Variants in RAG1 observed in about 807,000 individuals in gnomAD.
The protein encoded by RAG1 is recombination activating 1.
A neutral mutation model predicts 62.7 loss-of-function variants in RAG1; 35 were observed. That is an observed-to-expected ratio of 0.56 (90% CI 0.43 to 0.74). RAG1 has a LOEUF of 0.74. Ranked by LOEUF, RAG1 falls within the 30% of genes least tolerant of loss-of-function variation. The pLI, the probability that RAG1 is intolerant of heterozygous loss-of-function variation, is 0.00. For missense variants in RAG1, 1,169 were observed against 1,278.6 expected (o/e 0.91, Z 1.31); for synonymous variants, 461 against 470.3 (o/e 0.98, Z 0.26).
intron 3 of RAG1, among the ~76,000 whole-genome samples, chr11:36,544,233 T>C (rs1850358190): frequency 6.6e-6 from 1 of 152,064 alleles, no homozygotes; most frequent in Non-Finnish European, 1.5e-5. Context: ...TCCTGCATCA[T>C]CCAGATGGAC....
intron 3 of RAG1, among the ~76,000 whole-genome samples, chr11:36,546,343 T>C (rs1850392210): frequency 5.3e-5 from 8 of 152,240 alleles, no homozygotes. Flanking sequence ...CTCTTCTTTG[T>C]ATTTTTTGAT....
In RAG1 at chr11:36,522,903, T is replaced by C. The variant is rs148287196; in HGVS notation, n.428+2674T>C. ...GATTTGCATGAGCCCTTTAGCTCTT[T>C]TGTTTTGGCCAATTTCTCCCATTTG... On this transcript the variant is annotated intron_variant and non_coding_transcript_variant, in intron 2 of 2. Coordinates refer to the RAG1 transcript ENST00000529126. 6.2e-4 allele frequency among the ~76,000 whole-genome samples: 94 copies of C among 152,350 alleles called. 1 individual carries two copies. The East Asian group carries it at 0.016, about 27-fold the overall frequency.
Position 36,542,611 on chromosome 11 carries a change from C to T in RAG1, c.-412+6577C>T, listed in dbSNP as rs151100975. Among the ~76,000 whole-genome samples, 63 of 152,248 alleles carry T rather than the reference C, an allele frequency of 4.1e-4. 1 individual carries two copies. In the East Asian group the frequency reaches 9.1e-3, roughly 22 times the overall value. On this transcript the variant is annotated intron_variant and NMD_transcript_variant, in intron 3 of 9. Transcript: ENST00000534663. ...CAGAAAAGGTCTCTGACCAGCCACT[C>T]CTTTGCTTGTTCCCAGAAGACAGGG...
intron 3 of RAG1, among the ~76,000 whole-genome samples, chr11:36,551,892 T>C (rs1306943585): frequency 1.4e-5 from 2 of 141,588 alleles, no homozygotes; most frequent in East Asian, 2.1e-4. Context: ...TTACTGAGAA[T>C]GATGGTTTCC....
At chr11:36,516,349 T>A (rs1041147697) in intron 1 of RAG1, among the ~76,000 whole-genome samples, 1 of 152,242 alleles carries the variant, frequency 6.6e-6, no homozygotes, top group Admixed American at 6.5e-5. Flanking sequence ...TGAGACGGAG[T>A]CTCGCTCTGT....
chr11:36,564,835 T>A (rs1850639352), upstream of RAG1, among the ~76,000 whole-genome samples: 1 of 152,192 alleles, frequency 6.6e-6, no homozygotes, highest in Admixed American at 6.5e-5. Flanking sequence ...GACGACCTGT[T>A]AAGGTTCTGC....
intron 1 of RAG1, among the ~76,000 whole-genome samples, chr11:36,517,067 C>G (rs968551671): frequency 6.6e-6 from 1 of 152,120 alleles, no homozygotes; most frequent in Admixed American, 6.5e-5. Flanking sequence ...TGAGGCAGGA[C>G]AGGAGGAAGT....
chr11:36,536,054 G>C (rs1016700402), downstream of RAG1: 1 of 151,922 alleles, frequency 6.6e-6, no homozygotes, highest in African/African-American at 2.4e-5. Flanking sequence ...TCACTTCTTA[G>C]GGAAGCTAAA....
At chr11:36,526,290 G>T (rs1169967850) in intron 2 of RAG1, among the ~76,000 whole-genome samples, 1 of 133,696 alleles carries the variant, frequency 7.5e-6, no homozygotes, top group African/African-American at 2.9e-5. Flanking sequence ...GTGTCCATGT[G>T]TTCTCATTAT....
intron 2 of RAG1, among the ~76,000 whole-genome samples, chr11:36,532,422 A>C (rs1860270433): frequency 6.6e-6 from 1 of 152,140 alleles, no homozygotes; most frequent in Non-Finnish European, 1.5e-5. Context: ...TACTCTTTCC[A>C]TCTAGCAATA....
intron 1 of RAG1, among the ~76,000 whole-genome samples, chr11:36,519,164 T>TG (rs1267470874): frequency 7.2e-5 from 11 of 152,258 alleles, no homozygotes; most frequent in African/African-American, 2.2e-4. Context: ...TACATTTTTT[T>TG]TTGTTGTTTT....
chr11:36,550,940 C>T (rs1850472693), intron 3 of RAG1, among the ~76,000 whole-genome samples: 1 of 152,124 alleles, frequency 6.6e-6, no homozygotes, highest in Non-Finnish European at 1.5e-5. Flanking sequence ...TTTTGATTGG[C>T]TGGCCTTGGT....
At chr11:36,551,494 A>G (rs1490446504) in intron 3 of RAG1, among the ~76,000 whole-genome samples, 2 of 151,432 alleles carry the variant, frequency 1.3e-5, no homozygotes, top group East Asian at 3.9e-4. Flanking sequence ...CTTTGTTTTC[A>G]CATTGTCTTC....
chr11:36,559,272 C>T, intron 3 of RAG1, among the ~76,000 whole-genome samples: 1 of 152,134 alleles, frequency 6.6e-6, no homozygotes, highest in Middle Eastern at 3.2e-3. Flanking sequence ...TGTTTTTACA[C>T]TTCTCTCTTG....
intron 1 of RAG1, among the ~76,000 whole-genome samples, chr11:36,517,395 A>G (rs1241533196): frequency 6.6e-6 from 1 of 152,186 alleles, no homozygotes; most frequent in African/African-American, 2.4e-5. Context: ...CTAAATGCAA[A>G]TGTTTTGGGG....
rs143040301 is a variant in RAG1, at chr11:36,550,896, C to A, written c.-411-12489C>A. On this transcript the variant is annotated intron_variant and NMD_transcript_variant, in intron 3 of 9. Transcript: ENST00000534663. ...GCCTACTTGGGTCATGTGACTAACCCTGGATCCATCACTTTATCTAAGGAA... is the reference window on the plus strand; with the variant it reads ...GCCTACTTGGGTCATGTGACTAACCATGGATCCATCACTTTATCTAAGGAA... Among the ~76,000 whole-genome samples the A allele has an allele frequency of 2.4e-3, 363 of 152,216 alleles. 2 individuals carry two copies. Among genetic ancestry groups the A allele is most frequent in the Non-Finnish European group, 4.0e-3 (273 of 67,990 alleles).
upstream of RAG1, chr11:36,566,359 G>A (rs966445931): frequency 6.6e-6 from 1 of 152,216 alleles, no homozygotes; most frequent in Non-Finnish European, 1.5e-5. Flanking sequence ...TAACTTCCAA[G>A]TGAACCTACA....
At chr11:36,529,048 A>G (rs1035744611) in intron 2 of RAG1, among the ~76,000 whole-genome samples, 2 of 152,190 alleles carry the variant, frequency 1.3e-5, no homozygotes, top group Non-Finnish European at 2.9e-5. Flanking sequence ...TTCACAGCCA[A>G]ATTCTACCAG....
intron 1 of RAG1, among the ~76,000 whole-genome samples, chr11:36,568,945 C>T (rs774708961): frequency 3.3e-5 from 5 of 152,014 alleles, no homozygotes; most frequent in East Asian, 1.9e-4. Context: ...AAAAAACAGA[C>T]GATAGTATTT....
Sources: allele counts gnomAD v4.1 joint callset (sites outside exome capture counted in the v4.1 genomes callset), GRCh38; gene constraint gnomAD v4.1.1; transcripts MANE v1.5; gene names NCBI Gene and HGNC (gene_info 2026-07-23, HGNC 2026-07-21).